Variants in COL5A3 observed in about 807,000 individuals in gnomAD.
COL5A3 encodes the protein collagen type V alpha 3 chain.
In COL5A3, 172 loss-of-function variants were observed where a neutral mutation model predicts 250.0. The ratio of observed to expected loss-of-function variants is 0.69; its 90% CI spans 0.61 to 0.78. The LOEUF (loss-of-function observed/expected upper bound fraction) is 0.78, where lower values mean the gene tolerates loss of function less well. COL5A3 is among the 30% of genes least tolerant of loss of function. The pLI is 0.00. For missense variants in COL5A3, 2,340 were observed against 2,334.4 expected (o/e 1.00, Z -0.05); for synonymous variants, 937 against 900.4 (o/e 1.04, Z -0.73).
intron 51 of COL5A3, 129 bp from the exon 52 acceptor site, chr19:9,971,387 C>T: frequency 1.4e-6 from 1 of 703,988 alleles, no homozygotes; most frequent in South Asian, 1.9e-5. Flanking sequence ...ACATAAAATC[C>T]CTGGCTTGGT....
At position 9,968,555 on chromosome 19, in the gene COL5A3, T is replaced by TAG. The variant is rs2086787383; in HGVS notation, c.4207-65_4207-64dup. On this transcript the variant is annotated intron_variant, in intron 58 of 66. Transcript: ENST00000264828. This position sits in a 1 kb window ranked among gnomAD's most constrained non-coding sequence, Gnocchi z 4.1. ...GGAGGATTCAGGGAGGTTTTTCTCC[T>TAG]AGAGCCTTAGGGTGATGAGTTTGGG... The TAG allele has an allele frequency of 6.4e-7, 1 of 1,568,496 alleles. No homozygotes were observed. The highest frequency in any genetic ancestry group is 1.2e-5 in the South Asian group (1 of 86,396).
intron 7 of COL5A3, 39 bp downstream of exon 7, chr19:10,001,729 G>C: frequency 6.2e-7 from 1 of 1,611,662 alleles, no homozygotes; most frequent in Non-Finnish European, 8.5e-7. Context: ...TGCCACCCCC[G>C]TAACCCTTGG....
rs1272209450 is a variant in COL5A3, at chr19:9,972,905, C to T, written c.3774+14G>A. ...CCCCTCCCATGTCTGCCCCCACTTC[C>T]CCCCAGGACTCACCACGCTCCCTTT... On this transcript the variant is annotated intron_variant, in intron 51 of 66. Transcript: ENST00000264828. The T allele has an allele frequency of 1.9e-6, 3 of 1,565,140 alleles. No homozygotes were observed. Among genetic ancestry groups the T allele is most frequent in the Non-Finnish European group, 2.6e-6 (3 of 1,156,468 alleles).
At chr19:9,992,103 T>C (rs2087202197) in intron 21 of COL5A3, 55 bp from the exon 22 acceptor site, 3 of 1,493,692 alleles carry the variant, frequency 2.0e-6, no homozygotes, top group Non-Finnish European at 9.3e-7. Flanking sequence ...GGAGCCTGAG[T>C]CTGAGACACC....
rs1415564271 is a variant in COL5A3 at position 9,960,721 on chromosome 19, G to A, written c.5021C>T (p.Thr1674Ile). ...DYSHSARFLG[T>I]NGEELSFNQT... is the part of the protein sequence containing the mutation. ...GTTGAAAGACAGCTCCTCTCCATTG[G>A]TGCCAAGGAAGCGGGCGGAGTGGCT... The change falls in exon 66 of 67, where the codon ACC becomes ATC. Residue 1674 changes from threonine (T) to isoleucine (I), a missense_variant. By Grantham distance (89) the Thr-to-Ile change is moderately conservative. This residue lies in a region of COL5A3 where 1,179 missense variants were observed against 1,162.6 expected (regional missense o/e 1.01). Transcript: ENST00000264828. The A allele has an allele frequency of 3.1e-6, 5 of 1,614,054 alleles. No individual in the cohort carries two copies. The highest frequency in any genetic ancestry group is 2.2e-5 in the East Asian group (1 of 44,882).
rs543096762 is a variant in COL5A3 at position 9,968,227 on chromosome 19, C to T, written c.4315-148G>A. The T allele has an allele frequency of 3.7e-5, 37 of 1,000,572 alleles. No individual in the cohort carries two copies. The highest frequency in any genetic ancestry group is 3.1e-4 in the Middle Eastern group (1 of 3,216). 62.0% of individuals were successfully genotyped at this position (1,000,572 alleles called of 1,614,324 possible). On this transcript the variant is annotated intron_variant, in intron 59 of 66. Coordinates refer to ENST00000264828, the MANE Select transcript of COL5A3 (RefSeq NM_015719.4). This position sits in a 1 kb window ranked among gnomAD's most constrained non-coding sequence, Gnocchi z 4.1. ...CCACAGAGAGACCCCAAACCCCAGA[C>T]GCAGCCTCCAACTTGCCAGTTCCCA...
At chr19:9,999,395 G>A (rs1421504355) in intron 8 of COL5A3, among the ~76,000 whole-genome samples, 2 of 148,916 alleles carry the variant, frequency 1.3e-5, no homozygotes, top group Non-Finnish European at 1.5e-5. Context: ...ACAGGGTCTT[G>A]CTATGTTGCC....
rs1196387407 is a variant in COL5A3, at chr19:9,981,320, C to A, written c.2461-188G>T. 3.9e-5 allele frequency among the ~76,000 whole-genome samples: 6 copies of A among 152,206 alleles called. No homozygotes were observed. The South Asian group carries it at 6.2e-4, about 16-fold the overall frequency. ...AAACCACACAAAGATCTCAAACACACAATTACAACTATGATTGCATCTACA... is the reference window on the plus strand; with the variant it reads ...AAACCACACAAAGATCTCAAACACAAAATTACAACTATGATTGCATCTACA... On this transcript the variant is annotated intron_variant, in intron 32 of 66. Transcript: ENST00000264828.
At chr19:9,972,765 G>A (rs1357618210) in intron 51 of COL5A3, among the ~76,000 whole-genome samples, 154 bp downstream of exon 51, 1 of 151,966 alleles carries the variant, frequency 6.6e-6, no homozygotes, top group Non-Finnish European at 1.5e-5. Context: ...GAACCCGGAA[G>A]ACGGAGGTTG....
chr19:9,969,262 T>G, intron 57 of COL5A3, 87 bp downstream of exon 57: 1 of 1,197,612 alleles, frequency 8.3e-7, no homozygotes, highest in South Asian at 1.5e-5. Flanking sequence ...CAGTGAGGGC[T>G]AGCCTGCACC....
intron 8 of COL5A3, 78 bp from the exon 9 acceptor site, chr19:9,998,227 C>A: frequency 7.7e-7 from 1 of 1,306,456 alleles, no homozygotes; most frequent in Non-Finnish European, 1.1e-6. Flanking sequence ...TGATCACACA[C>A]ACTTGCACAC....
intron 16 of COL5A3, 123 bp downstream of exon 16, chr19:9,995,441 C>A (rs1156660422): frequency 2.6e-5 from 20 of 775,048 alleles, no homozygotes; most frequent in Non-Finnish European, 3.6e-5. Context: ...AGCTGCCATT[C>A]CCTGCCTTCA....
At chr19:9,962,659 C>T (rs1171677683) in intron 65 of COL5A3, among the ~76,000 whole-genome samples, 160 bp downstream of exon 65, 1 of 152,142 alleles carries the variant, frequency 6.6e-6, no homozygotes, top group African/African-American at 2.4e-5. Context: ...GCCTGTTACA[C>T]ATCTGATGCT....
chr19:9,992,169 TC>T, intron 21 of COL5A3, 121 bp from the exon 22 acceptor site: 1 of 829,794 alleles, frequency 1.2e-6, no homozygotes, highest in Non-Finnish European at 2.0e-6. Flanking sequence ...ATGCTTGTAA[TC>T]CCAGCATTTT....
intron 45 of COL5A3, among the ~76,000 whole-genome samples, chr19:9,976,051 G>A (rs1265275165): frequency 6.6e-6 from 1 of 150,840 alleles, no homozygotes; most frequent in Non-Finnish European, 1.5e-5. Flanking sequence ...GATTGAATCA[G>A]ATTCTGGGGT....
At position 10,003,652 on chromosome 19, in the gene COL5A3, C is replaced by T. The variant is rs984062284; in HGVS notation, c.762G>A (p.Lys254=). ...PRRKGKGKGR[K]KGRGRKGKGR... is the part of the protein sequence containing the mutation. The stretch of plus-strand genomic sequence containing the variant: ...CCTTCCCCTTGCGACCTCGCCCTTT[C>T]TTCCTCCCTTTTCCCTTCCCCTTCC... Residue 254 remains lysine, a synonymous_variant, in exon 6 of 67, where the codon AAG becomes AAA. Transcript: ENST00000264828. 2 of 1,614,062 alleles carry T rather than the reference C, an allele frequency of 1.2e-6. No homozygotes were observed. Among genetic ancestry groups the T allele is most frequent in the East Asian group, 4.5e-5 (2 of 44,896 alleles).
chr19:9,988,451 A>T (rs2087130677), intron 27 of COL5A3, among the ~76,000 whole-genome samples: 2 of 152,180 alleles, frequency 1.3e-5, no homozygotes, highest in African/African-American at 4.8e-5. Flanking sequence ...ATGAACTCTA[A>T]TGCCCCTGCA....
chr19:9,989,500 A>G lies in COL5A3; in HGVS notation c.2015T>C (p.Ile672Thr). 6.2e-7 allele frequency: 1 copy of G among 1,613,036 alleles called. No individual in the cohort carries two copies. Among genetic ancestry groups the G allele is most frequent in the Non-Finnish European group, 8.5e-7 (1 of 1,179,438 alleles). ...GEKGPPGNPG[I>T]PGLPGSDGPL... The stretch of plus-strand genomic sequence containing the variant: ...GCCATCGGATCCTGGGAGGCCTGGA[A>G]TTCCTGGGTTTCCAGGGGGACCCTG... Residue 672 changes from isoleucine (I) to threonine (T), a missense_variant, in exon 25 of 67, where the codon ATT becomes ACT. Ile to Thr is a moderately conservative substitution (Grantham distance 89). Transcript: ENST00000264828.
intron 31 of COL5A3, among the ~76,000 whole-genome samples, chr19:9,985,504 C>T (rs1362719030): frequency 6.6e-6 from 1 of 152,020 alleles, no homozygotes; most frequent in African/African-American, 2.4e-5. Flanking sequence ...AAGTGATCCG[C>T]CTGCGTCTGC....
Sources: gnomAD v4.1 joint callset for allele counts (sites outside exome capture counted in the v4.1 genomes callset) on GRCh38, gnomAD v4.1.1 for gene constraint, gnomAD v4.1.1 regional missense constraint, Gnocchi (gnomAD v3.1) non-coding constraint, MANE v1.5 for transcripts, NCBI Gene and HGNC (gene_info 2026-07-23, HGNC 2026-07-21) for gene names.